Variants in KCNH1 observed in about 807,000 individuals in gnomAD.
The protein encoded by KCNH1 is voltage-gated delayed rectifier potassium channel KCNH1.
A neutral mutation model predicts 69.2 loss-of-function variants in KCNH1; 27 were observed. The ratio of observed to expected loss-of-function variants is 0.39; its 90% CI spans 0.29 to 0.54. The LOEUF is 0.54. Ranked by LOEUF, KCNH1 falls within the 20% of genes least tolerant of loss-of-function variation. The pLI, the probability that KCNH1 is intolerant of heterozygous loss-of-function variation, is 0.68. For synonymous variants in KCNH1, 456 were observed against 487.7 expected (o/e 0.93, Z 0.86); for missense variants, 798 against 1,261.6 (o/e 0.63, Z 5.57).
At chr1:211,105,291 C>T (rs1262413881) in intron 2 of KCNH1, among the ~76,000 whole-genome samples, 1 of 152,114 alleles carries the variant, frequency 6.6e-6, no homozygotes, top group Admixed American at 6.5e-5. Flanking sequence ...GATAACTGAC[C>T]TCCATTTAAA....
intron 10 of KCNH1, among the ~76,000 whole-genome samples, chr1:210,684,429 G>A (rs940202458): frequency 6.6e-6 from 1 of 152,186 alleles, no homozygotes; most frequent in Non-Finnish European, 1.5e-5. Context: ...CCAGGAGGCT[G>A]AAGAATCCAA....
At chr1:210,741,243 A>G (rs897815169) in intron 10 of KCNH1, among the ~76,000 whole-genome samples, 3 of 152,306 alleles carry the variant, frequency 2.0e-5, no homozygotes, top group African/African-American at 7.2e-5. Context: ...AAACTTCTTT[A>G]TTTTGGCCTG....
chr1:210,816,609 T>C (rs1417318235), intron 7 of KCNH1, among the ~76,000 whole-genome samples: 4 of 152,222 alleles, frequency 2.6e-5, no homozygotes, highest in Admixed American at 6.5e-5. Context: ...TGGCTAAAGG[T>C]AGACTGGCTT....
At chr1:211,035,019 G>C (rs1689868602) in intron 5 of KCNH1, among the ~76,000 whole-genome samples, 2 of 152,088 alleles carry the variant, frequency 1.3e-5, no homozygotes, top group South Asian at 4.1e-4. Context: ...GGCCCTGCCT[G>C]AGTGAGGCCT....
chr1:210,705,379 C>T (rs899574403), intron 10 of KCNH1, among the ~76,000 whole-genome samples: 3 of 152,146 alleles, frequency 2.0e-5, no homozygotes, highest in Admixed American at 6.5e-5. Context: ...TAGTGTAACA[C>T]ATGGAGGTCA....
chr1:210,969,483 A>C (rs1688473020), intron 6 of KCNH1, among the ~76,000 whole-genome samples: 1 of 152,106 alleles, frequency 6.6e-6, no homozygotes, highest in African/African-American at 2.4e-5. Context: ...TAGGGCAATA[A>C]GTTTTTCTAT....
chr1:211,060,949 A>T (rs1464724592), intron 5 of KCNH1, among the ~76,000 whole-genome samples: 3 of 152,210 alleles, frequency 2.0e-5, no homozygotes, highest in Non-Finnish European at 4.4e-5. Context: ...ATACTTCCAA[A>T]CTCATTCTAC....
At chr1:210,845,420 A>C (rs12046940) in intron 7 of KCNH1, among the ~76,000 whole-genome samples, 40,236 of 147,836 alleles carry the variant, frequency 0.27, 3,755 homozygotes, top group East Asian at 0.4. Context: ...AAGGCTGGTT[A>C]AACATACGCA....
intron 4 of KCNH1, among the ~76,000 whole-genome samples, chr1:211,085,722 T>C (rs1026354593): frequency 2.6e-5 from 4 of 152,164 alleles, no homozygotes; most frequent in African/African-American, 9.7e-5. Flanking sequence ...ATTAAAAACA[T>C]AGGAAGAGCA....
chr1:210,956,853 C>A (rs1270477397), intron 6 of KCNH1, among the ~76,000 whole-genome samples: 2 of 151,824 alleles, frequency 1.3e-5, no homozygotes, highest in Non-Finnish European at 2.9e-5. Flanking sequence ...TTGATCTTTT[C>A]AAAAAATCAG....
chr1:210,694,353 C>T (rs963884672), intron 10 of KCNH1, among the ~76,000 whole-genome samples: 2 of 151,682 alleles, frequency 1.3e-5, no homozygotes, highest in Non-Finnish European at 3.0e-5. Flanking sequence ...GGCCCTCACT[C>T]CCCCTGCTTT....
intron 10 of KCNH1, among the ~76,000 whole-genome samples, chr1:210,726,784 G>T (rs1411521327): frequency 6.6e-6 from 1 of 152,040 alleles, no homozygotes; most frequent in Non-Finnish European, 1.5e-5. Context: ...TGCCTAAGTG[G>T]TTCAGAACCA....
chr1:210,689,732 A>G (rs914070519), intron 10 of KCNH1, among the ~76,000 whole-genome samples: 22 of 152,220 alleles, frequency 1.4e-4, no homozygotes, highest in Non-Finnish European at 3.1e-4. Context: ...TGACCTTGGG[A>G]AAGTTATATC....
At chr1:210,801,403 T>C (rs1438308370) in intron 8 of KCNH1, among the ~76,000 whole-genome samples, 1 of 152,118 alleles carries the variant, frequency 6.6e-6, no homozygotes, top group Middle Eastern at 3.2e-3. Flanking sequence ...TGCCACAAGC[T>C]CCTGCCCAGA....
chr1:210,981,050 C>T (rs1468534892), intron 6 of KCNH1, among the ~76,000 whole-genome samples: 1 of 151,976 alleles, frequency 6.6e-6, no homozygotes, highest in East Asian at 1.9e-4. Context: ...CTCTTATATC[C>T]CTCTCTCTAA....
At chr1:210,926,876 A>G (rs1007308114) in intron 6 of KCNH1, among the ~76,000 whole-genome samples, 1 of 152,192 alleles carries the variant, frequency 6.6e-6, no homozygotes, top group Non-Finnish European at 1.5e-5. Flanking sequence ...TTAAAAAACA[A>G]TCACAACTTC....
intron 10 of KCNH1, among the ~76,000 whole-genome samples, chr1:210,758,046 G>A (rs1430468549): frequency 1.3e-5 from 2 of 152,228 alleles, no homozygotes; most frequent in Non-Finnish European, 2.9e-5. Flanking sequence ...TGGAAGAGGT[G>A]CAGCACAAAA....
intron 10 of KCNH1, among the ~76,000 whole-genome samples, chr1:210,692,010 AC>A (rs1681537840): frequency 1.3e-5 from 2 of 152,184 alleles, no homozygotes; most frequent in South Asian, 4.1e-4. Flanking sequence ...ATCCAGGAAA[AC>A]CCTAGAGGCT....
intron 1 of KCNH1, among the ~76,000 whole-genome samples, chr1:211,111,031 TA>T (rs977451373): frequency 9.2e-5 from 14 of 152,242 alleles, no homozygotes; most frequent in Admixed American, 7.2e-4. Flanking sequence ...TTGATTTTTG[TA>T]AACATGAACT....
Sources: allele counts gnomAD v4.1 joint callset (sites outside exome capture counted in the v4.1 genomes callset), GRCh38; gene constraint gnomAD v4.1.1; transcripts MANE v1.5; gene names NCBI Gene and HGNC (gene_info 2026-07-23, HGNC 2026-07-21).